Variants in ADRA1B observed in about 807,000 individuals in gnomAD.
ADRA1B encodes adrenoceptor alpha 1B.
In ADRA1B, 17 loss-of-function variants were observed where a neutral mutation model predicts 17.9. The observed-to-expected ratio is 0.95, with a 90% CI of 0.65 to 1.42. ADRA1B has a LOEUF of 1.42. Among genes scored for constraint, ADRA1B ranks in the 40% most tolerant of loss-of-function variants. The pLI is 0.00. For missense variants in ADRA1B, 681 were observed against 722.1 expected, an observed-to-expected ratio of 0.94 and a Z score of 0.65; for synonymous variants, 366 against 327.6, an observed-to-expected ratio of 1.12 and a Z score of -1.27.
At chr5:159,889,688 C>T (rs550883512) in intron 1 of ADRA1B, among the ~76,000 whole-genome samples, 12 of 152,316 alleles carry the variant, frequency 7.9e-5, no homozygotes, top group African/African-American at 2.2e-4. Flanking sequence ...CAGGTTCCAA[C>T]GGCTGTGGCA....
chr5:159,962,837 A>ATTTT lies in ADRA1B; in HGVS notation c.950-9021_950-9018dup, dbSNP rs756263225. Among the ~76,000 whole-genome samples, 16 of 43,008 alleles carry ATTTT rather than the reference A, an allele frequency of 3.7e-4. 1 individual carries two copies. The highest frequency in any genetic ancestry group is 7.4e-4 in the African/African-American group (8 of 10,856). The allele number at this position is 43,008 out of a possible 152,430, so 28.2% of individuals were successfully genotyped here. On this transcript the variant is annotated intron_variant, in intron 1 of 1. Transcript: ENST00000306675. ...GGTGTGGGGGCCACCACACCTGGCT[A>ATTTT]TTTTTTTTTTTTTTTTTTTTTTTTA...
chr5:159,886,633 T>A (rs1308080019), intron 1 of ADRA1B, among the ~76,000 whole-genome samples: 1 of 152,174 alleles, frequency 6.6e-6, no homozygotes, highest in Non-Finnish European at 1.5e-5. Flanking sequence ...AGGGACCTCA[T>A]AGGCCTTGGA....
At chr5:159,920,399 G>T (rs1038193250) in intron 1 of ADRA1B, among the ~76,000 whole-genome samples, 2 of 152,134 alleles carry the variant, frequency 1.3e-5, no homozygotes, top group Non-Finnish European at 2.9e-5. Context: ...CTTTCTGTCT[G>T]TGCCTTTCTG....
intron 1 of ADRA1B, among the ~76,000 whole-genome samples, chr5:159,939,310 TGTGTGTGTGTGTGC>T (rs1488103547): frequency 8.8e-5 from 12 of 136,744 alleles, no homozygotes; most frequent in African/African-American, 3.6e-4. Context: ...TGTGTGTGTG[TGTGTGTGTGTGTGC>T]GCGCGCGCGC....
chr5:159,977,007 AAG>A (rs1755982193), downstream of ADRA1B, among the ~76,000 whole-genome samples: 1 of 152,218 alleles, frequency 6.6e-6, no homozygotes, highest in African/African-American at 2.4e-5. Flanking sequence ...CAAAATATGA[AAG>A]AGCTTGGCAC....
chr5:159,986,869 A>G, the ADRA1B span, among the ~76,000 whole-genome samples: 4 of 152,070 alleles, frequency 2.6e-5, no homozygotes, highest in African/African-American at 9.7e-5. Context: ...TCCCCCCTCA[A>G]CGGCGCCTAC....
At chr5:159,885,666 C>T (rs941974343) in intron 1 of ADRA1B, among the ~76,000 whole-genome samples, 1 of 152,204 alleles carries the variant, frequency 6.6e-6, no homozygotes, top group African/African-American at 2.4e-5. Context: ...GATGACACCA[C>T]TGAGGCACTT....
At chr5:159,918,737 A>G (rs1754397046) in intron 1 of ADRA1B, among the ~76,000 whole-genome samples, 1 of 152,202 alleles carries the variant, frequency 6.6e-6, no homozygotes, top group African/African-American at 2.4e-5. Flanking sequence ...ATGTTTTCTA[A>G]GGAAGAAGCC....
At chr5:159,946,162 G>C (rs1755267791) in intron 1 of ADRA1B, among the ~76,000 whole-genome samples, 1 of 152,130 alleles carries the variant, frequency 6.6e-6, no homozygotes, top group Non-Finnish European at 1.5e-5. Flanking sequence ...AGAGATGATG[G>C]TAACTTTCGA....
chr5:159,899,806 T>C (rs1488017733), intron 1 of ADRA1B, among the ~76,000 whole-genome samples: 1 of 152,192 alleles, frequency 6.6e-6, no homozygotes, highest in Non-Finnish European at 1.5e-5. Context: ...CTGCTATTAA[T>C]GTGTTGTGTG....
chr5:159,877,205 A>T (rs958232623), intron 1 of ADRA1B, among the ~76,000 whole-genome samples: 9 of 152,128 alleles, frequency 5.9e-5, no homozygotes, highest in African/African-American at 2.2e-4. Context: ...TAGCAAATAA[A>T]GTTTCAGCTC....
At chr5:159,955,065 C>T (rs1456987470) in intron 1 of ADRA1B, 9 of 829,894 alleles carry the variant, frequency 1.1e-5, no homozygotes, top group Admixed American at 6.2e-5. Flanking sequence ...GCAGCAAAGA[C>T]TAATCATTTC....
At chr5:159,975,543 A>G (rs895585518), downstream of ADRA1B, among the ~76,000 whole-genome samples, 2 of 152,226 alleles carry the variant, frequency 1.3e-5, no homozygotes, top group Non-Finnish European at 2.9e-5. Context: ...TGAAGCCACA[A>G]GGCACCAAAG....
the ADRA1B span, among the ~76,000 whole-genome samples, chr5:159,983,784 T>C: frequency 6.6e-6 from 1 of 151,976 alleles, no homozygotes; most frequent in Middle Eastern, 3.4e-3. Flanking sequence ...GCATCACTGA[T>C]CTCTCCTTTT....
In ADRA1B at chr5:159,868,071, G is replaced by T. The variant is rs553022235; in HGVS notation, c.-256+2865G>T. ...GCACCAACTTACCATGTAATTTTAG[G>T]AAGATGACTAACTTCCCAGCCTCAG... On this transcript the variant is annotated intron_variant, in intron 1 of 2. Coordinates refer to the ADRA1B transcript ENST00000641205. The T allele has an allele frequency of 5.3e-5, 8 of 152,254 alleles. No homozygotes were observed. In the South Asian group the frequency reaches 1.5e-3, roughly 28 times the overall value. 9.4% of individuals were successfully genotyped at this position (152,254 alleles called of 1,614,324 possible).
chr5:159,924,904 C>T (rs917162722), intron 1 of ADRA1B, among the ~76,000 whole-genome samples: 5 of 152,220 alleles, frequency 3.3e-5, no homozygotes, highest in African/African-American at 9.6e-5. Flanking sequence ...TAGGTCTCAT[C>T]GAGTGCCAGG....
At chr5:159,917,899 T>C (rs562665730) in intron 1 of ADRA1B, 45 bp downstream of exon 1, 1 of 1,503,596 alleles carries the variant, frequency 6.7e-7, no homozygotes, top group South Asian at 1.3e-5. Flanking sequence ...TTTTTGGACC[T>C]TGGGTTTACT....
At chr5:159,957,368 C>G (rs1485273943) in intron 1 of ADRA1B, among the ~76,000 whole-genome samples, 2 of 151,474 alleles carry the variant, frequency 1.3e-5, no homozygotes, top group Non-Finnish European at 2.9e-5. Flanking sequence ...TAGCTGGGTG[C>G]CATTGTGCGC....
chr5:159,961,247 A>G (rs1386516094), intron 1 of ADRA1B, among the ~76,000 whole-genome samples: 1 of 152,254 alleles, frequency 6.6e-6, no homozygotes, highest in Non-Finnish European at 1.5e-5. Flanking sequence ...CCTCCTCTGC[A>G]AAATGAAATA....
Sources: gnomAD v4.1 joint callset for allele counts (sites outside exome capture counted in the v4.1 genomes callset) on GRCh38, gnomAD v4.1.1 for gene constraint, MANE v1.5 for transcripts, NCBI Gene and HGNC (gene_info 2026-07-23, HGNC 2026-07-21) for gene names.